GPR89A: variants seen among roughly 807,000 people sequenced by gnomAD.
The protein encoded by GPR89A is golgi pH regulator A.
In GPR89A, 16 loss-of-function variants were observed where a neutral mutation model predicts 52.0. That is an observed-to-expected ratio of 0.31 (90% CI 0.21 to 0.47). The LOEUF is 0.47. GPR89A is among the 20% of genes least tolerant of loss of function. The pLI is 1.00. For missense variants in GPR89A, 135 were observed against 449.4 expected (o/e 0.30, Z 6.33); for synonymous variants, 55 against 150.9 (o/e 0.36, Z 4.66).
intron 10 of GPR89A, among the ~76,000 whole-genome samples, chr1:145,648,540 T>G (rs1354063635): frequency 1.3e-5 from 2 of 150,726 alleles, no homozygotes; most frequent in Non-Finnish European, 2.9e-5. Flanking sequence ...AGTACAGTGG[T>G]GCGATCTCGG....
At chr1:145,667,240 A>G (rs1202319658) in intron 12 of GPR89A, among the ~76,000 whole-genome samples, 2 of 152,154 alleles carry the variant, frequency 1.3e-5, no homozygotes, top group African/African-American at 2.4e-5. Context: ...CATCCTCTCC[A>G]GCACCTGTTG....
At chr1:145,640,272 GAAA>G (rs1179077991) in intron 7 of GPR89A, among the ~76,000 whole-genome samples, 4 of 57,572 alleles carry the variant, frequency 6.9e-5, no homozygotes, top group African/African-American at 2.9e-4. Context: ...AAAACTTTCA[GAAA>G]AAAAAAAAAG....
Position 145,669,637 on chromosome 1 carries a change from A to C in GPR89A, c.1108A>C (p.Ile370Leu), listed in dbSNP as rs1553697108. ...TCTTTCTTGACAGTTCTTTTATGCC[A>C]TCTCTAGCAGTAAGTCCTCCAATGT... ...LITLTKFFYA[I>L]SSSKSSNVIV... The change falls in exon 13 of 14, where the codon ATC (isoleucine) becomes CTC (leucine). Residue 370 changes from isoleucine (I) to leucine (L), a missense_variant. By Grantham distance (5) the Ile-to-Leu change is conservative. Coordinates refer to ENST00000313835, the MANE Select transcript of GPR89A (RefSeq NM_001097612.2). The C allele has an allele frequency of 1.2e-6, 2 of 1,611,306 alleles. No homozygotes were observed. The highest frequency in any genetic ancestry group is 1.7e-6 in the Non-Finnish European group (2 of 1,179,588).
At chr1:145,651,865 G>GA in intron 10 of GPR89A, among the ~76,000 whole-genome samples, 1 of 151,760 alleles carries the variant, frequency 6.6e-6, no homozygotes, top group Non-Finnish European at 1.5e-5. Context: ...AGACTTTGCT[G>GA]AAGTTGCTTA....
At chr1:145,663,185 G>C (rs1372772878) in intron 10 of GPR89A, 144 bp from the exon 11 acceptor site, 6 of 1,298,338 alleles carry the variant, frequency 4.6e-6, no homozygotes, top group Non-Finnish European at 6.4e-6. Context: ...TCCTATATAT[G>C]ATTTGGATTA....
intron 1 of GPR89A, among the ~76,000 whole-genome samples, chr1:145,614,122 G>A (rs1299517433): frequency 1.3e-5 from 2 of 152,058 alleles, no homozygotes; most frequent in East Asian, 3.8e-4. Context: ...TTTTATGTTA[G>A]GGGTGGTGGA....
intron 10 of GPR89A, among the ~76,000 whole-genome samples, chr1:145,656,375 TC>T (rs1553694520): frequency 6.6e-6 from 1 of 151,974 alleles, no homozygotes; most frequent in Non-Finnish European, 1.5e-5. Flanking sequence ...GGTGCCACAA[TC>T]ACTCATCGCC....
intron 10 of GPR89A, among the ~76,000 whole-genome samples, chr1:145,656,509 G>T (rs1559046999): frequency 6.6e-6 from 1 of 152,148 alleles, no homozygotes; most frequent in Non-Finnish European, 1.5e-5. Flanking sequence ...CCCAATGAGA[G>T]AACCTGGTTA....
intron 1 of GPR89A, among the ~76,000 whole-genome samples, chr1:145,614,711 A>G (rs1648538745): frequency 6.6e-6 from 1 of 152,194 alleles, no homozygotes; most frequent in South Asian, 2.1e-4. Context: ...AGGGAAGTAC[A>G]ATGTAAAACA....
At chr1:145,645,104 A>G (rs587752403) in intron 8 of GPR89A, 1 of 155,814 alleles carries the variant, frequency 6.4e-6, no homozygotes, top group South Asian at 1.9e-4. Context: ...ACCAAGAAAC[A>G]TTTATTTCGT....
intron 8 of GPR89A, chr1:145,645,470 A>G (rs1437756762): frequency 1.3e-4 from 53 of 411,102 alleles, no homozygotes; most frequent in Non-Finnish European, 2.1e-4. Context: ...TATCAGGATT[A>G]TTTAACCTCC....
chr1:145,614,389 C>G (rs1420379124), intron 1 of GPR89A, among the ~76,000 whole-genome samples: 2 of 152,046 alleles, frequency 1.3e-5, no homozygotes, highest in Non-Finnish European at 2.9e-5. Context: ...ACTGTCTTCA[C>G]TATATTGTGA....
At chr1:145,652,926 G>A (rs1412725222) in intron 10 of GPR89A, among the ~76,000 whole-genome samples, 1 of 135,692 alleles carries the variant, frequency 7.4e-6, no homozygotes, top group Non-Finnish European at 1.5e-5. Context: ...CAAAAAACTG[G>A]CTCCTGGATT....
intron 11 of GPR89A, among the ~76,000 whole-genome samples, chr1:145,664,248 G>A (rs1436867797): frequency 1.3e-5 from 2 of 152,184 alleles, no homozygotes; most frequent in East Asian, 3.8e-4. Context: ...CCCAATCCTT[G>A]AGAAACAGCT....
chr1:145,637,701 A>G (rs1386087607), intron 7 of GPR89A, among the ~76,000 whole-genome samples: 36 of 152,106 alleles, frequency 2.4e-4, no homozygotes, highest in Non-Finnish European at 4.3e-4. Flanking sequence ...TTACAAATAT[A>G]TTCAAAAAAG....
At chr1:145,658,488 A>G (rs1651966231) in intron 10 of GPR89A, among the ~76,000 whole-genome samples, 1 of 151,520 alleles carries the variant, frequency 6.6e-6, no homozygotes, top group Admixed American at 6.6e-5. Context: ...TTAATAGGGC[A>G]TGGAAGTACA....
At chr1:145,612,187 C>T (rs1648333044) in intron 1 of GPR89A, 1 of 152,088 alleles carries the variant, frequency 6.6e-6, no homozygotes, top group African/African-American at 2.4e-5. Context: ...TCTAACTCAC[C>T]TCTCTTACTC....
At chr1:145,616,461 AG>A (rs1215232580) in intron 2 of GPR89A, among the ~76,000 whole-genome samples, 168 bp downstream of exon 2, 1 of 152,138 alleles carries the variant, frequency 6.6e-6, no homozygotes. Flanking sequence ...TTGATTTAAA[AG>A]GGGGGAAAAA....
Position 145,629,457 on chromosome 1 carries a change from G to C in GPR89A, c.416-1230G>C, listed in dbSNP as rs1476154118. Among the ~76,000 whole-genome samples the C allele has an allele frequency of 6.6e-5, 10 of 152,280 alleles. No homozygotes were observed. In the South Asian group the frequency reaches 2.1e-3, roughly 32 times the overall value. ...GAAGGACAAAGGTAGGAAAAATAAA[G>C]AGTAACTGCCGAAGACAATGGAGAG... On this transcript the variant is annotated intron_variant, in intron 5 of 13. Coordinates refer to ENST00000313835, the MANE Select transcript of GPR89A (RefSeq NM_001097612.2).
Sources: allele counts gnomAD v4.1 joint callset (sites outside exome capture counted in the v4.1 genomes callset), GRCh38; gene constraint gnomAD v4.1.1; transcripts MANE v1.5; gene names NCBI Gene and HGNC (gene_info 2026-07-23, HGNC 2026-07-21).